The following FARS2 variants were observed in gnomAD, a reference collection of about 807,000 sequenced individuals.
FARS2 encodes phenylalanine--tRNA ligase, mitochondrial.
A neutral mutation model predicts 46.4 loss-of-function variants in FARS2; 40 were observed. The observed-to-expected ratio is 0.86, with a 90% CI of 0.67 to 1.12. FARS2 has a LOEUF of 1.12. Among genes scored for constraint, FARS2 ranks in the 50% most tolerant of loss-of-function variants. The pLI is 0.00. For missense variants in FARS2, 513 were observed against 567.9 expected (o/e 0.90, Z 0.98); for synonymous variants, 234 against 214.9 (o/e 1.09, Z -0.78).
At chr6:5,535,965 G>A (rs1228704045) in intron 4 of FARS2, among the ~76,000 whole-genome samples, 1 of 151,206 alleles carries the variant, frequency 6.6e-6, no homozygotes, top group Non-Finnish European at 1.5e-5. Context: ...TTACATCTAT[G>A]TTCATAAGAG....
chr6:5,741,703 T>C (rs145839823), intron 6 of FARS2, among the ~76,000 whole-genome samples: 92 of 152,316 alleles, frequency 6.0e-4, no homozygotes, highest in East Asian at 5.4e-3. Flanking sequence ...CAGGCTGGAG[T>C]GCAGTGGCAC....
chr6:5,323,966 C>T (rs1180447548), intron 1 of FARS2, among the ~76,000 whole-genome samples: 3 of 152,168 alleles, frequency 2.0e-5, no homozygotes, highest in Admixed American at 2.0e-4. Flanking sequence ...AGATGCCAGC[C>T]CCCAAGATAA....
chr6:5,658,691 A>G (rs914905094), intron 6 of FARS2, among the ~76,000 whole-genome samples: 6 of 152,336 alleles, frequency 3.9e-5, no homozygotes, highest in African/African-American at 1.2e-4. Flanking sequence ...CTAGAATTAG[A>G]TAGATGGTTA....
At chr6:5,510,669 C>T (rs550960540) in intron 4 of FARS2, among the ~76,000 whole-genome samples, 4 of 152,282 alleles carry the variant, frequency 2.6e-5, no homozygotes, top group East Asian at 3.9e-4. Flanking sequence ...GCGCTGGCCG[C>T]GTGAGAAGCG....
rs76178174 is a variant in FARS2, at chr6:5,483,939, A to G, written c.904+52767A>G. Among the ~76,000 whole-genome samples, 1,049 of 152,168 alleles carry G rather than the reference A, an allele frequency of 6.9e-3. 8 individuals carry two copies. The highest frequency in any genetic ancestry group is 0.024 in the African/African-American group (994 of 41,512). On this transcript the variant is annotated intron_variant, in intron 4 of 6. Coordinates refer to ENST00000274680, the MANE Select transcript of FARS2 (RefSeq NM_006567.5). ...CACCAACACCAGAATACTCCAGGGG[A>G]AAAAGGAGACTTGGAAGTTTGAAAT... is the stretch of plus-strand genomic sequence containing the variant.
intron 2 of FARS2, among the ~76,000 whole-genome samples, chr6:5,397,935 C>T (rs186981577): frequency 7.9e-5 from 12 of 152,194 alleles, no homozygotes; most frequent in Middle Eastern, 3.4e-3. Context: ...CTCAACTTGA[C>T]ATGATTTTGT....
At chr6:5,708,086 G>T (rs912113648) in intron 6 of FARS2, among the ~76,000 whole-genome samples, 1 of 152,102 alleles carries the variant, frequency 6.6e-6, no homozygotes, top group African/African-American at 2.4e-5. Context: ...GAAAACATGT[G>T]GGCCTCAAAG....
intron 2 of FARS2, among the ~76,000 whole-genome samples, chr6:5,398,931 T>C (rs1761062303): frequency 6.6e-6 from 1 of 152,072 alleles, no homozygotes; most frequent in Admixed American, 6.6e-5. Flanking sequence ...TGCTAACTAG[T>C]GTACAATATT....
At chr6:5,635,663 AC>A (rs1366718844) in intron 6 of FARS2, among the ~76,000 whole-genome samples, 2 of 152,138 alleles carry the variant, frequency 1.3e-5, no homozygotes, top group Non-Finnish European at 2.9e-5. Context: ...CGGAACACGC[AC>A]CCAGCCCCTC....
intron 6 of FARS2, among the ~76,000 whole-genome samples, chr6:5,755,793 C>G (rs1762172862): frequency 6.6e-6 from 1 of 152,202 alleles, no homozygotes; most frequent in African/African-American, 2.4e-5. Flanking sequence ...GCATTTTCTT[C>G]TGCCAGGTCT....
intron 4 of FARS2, among the ~76,000 whole-genome samples, chr6:5,507,735 T>G (rs9504419): frequency 0.054 from 8,235 of 152,300 alleles, 710 homozygotes; most frequent in African/African-American, 0.19. Flanking sequence ...TCCCGGCTAG[T>G]GGGTCAGACT....
At chr6:5,409,264 A>G (rs970705882) in intron 3 of FARS2, among the ~76,000 whole-genome samples, 1 of 152,080 alleles carries the variant, frequency 6.6e-6, no homozygotes, top group African/African-American at 2.4e-5. Flanking sequence ...CCTGTCTAAC[A>G]TGGTGAAACC....
chr6:5,514,039 A>T (rs1357622146), intron 4 of FARS2, among the ~76,000 whole-genome samples: 1 of 152,082 alleles, frequency 6.6e-6, no homozygotes, highest in African/African-American at 2.4e-5. Flanking sequence ...AGGAGAGTAT[A>T]CAATGCAGTA....
At chr6:5,499,872 T>A (rs984226606) in intron 4 of FARS2, among the ~76,000 whole-genome samples, 2 of 152,198 alleles carry the variant, frequency 1.3e-5, no homozygotes, top group African/African-American at 4.8e-5. Context: ...GGTACAGCAA[T>A]GGCCTACATT....
At position 5,342,688 on chromosome 6, in the gene FARS2, G is replaced by T. The variant is rs548589867; in HGVS notation, c.-21-25862G>T. ...AATTGCTTGAACCTGGGAGGCGGAG[G>T]TTGCAGTGAGCCGAGATCACGCCAT... is the stretch of plus-strand genomic sequence containing the variant. On this transcript the variant is annotated intron_variant, in intron 1 of 6. Coordinates refer to ENST00000274680, the MANE Select transcript of FARS2 (RefSeq NM_006567.5). Among the ~76,000 whole-genome samples, 3 of 151,846 alleles carry T rather than the reference G, an allele frequency of 2.0e-5. No individual in the cohort carries two copies. In the East Asian group the frequency reaches 5.8e-4, roughly 29 times the overall value.
At chr6:5,664,109 T>G (rs2150787803) in intron 6 of FARS2, among the ~76,000 whole-genome samples, 1 of 152,350 alleles carries the variant, frequency 6.6e-6, no homozygotes, top group South Asian at 2.1e-4. Context: ...CTTTGGGGTT[T>G]TAAAGAAAAA....
At chr6:5,538,642 C>G (rs1436227055) in intron 4 of FARS2, among the ~76,000 whole-genome samples, 1 of 152,170 alleles carries the variant, frequency 6.6e-6, no homozygotes, top group Non-Finnish European at 1.5e-5. Context: ...CCTGAAGCCT[C>G]CTACAGAAAA....
At chr6:5,682,194 C>T (rs1779068929) in intron 6 of FARS2, among the ~76,000 whole-genome samples, 1 of 152,058 alleles carries the variant, frequency 6.6e-6, no homozygotes, top group Admixed American at 6.5e-5. Flanking sequence ...AACTAGGTTG[C>T]AGCATCAAAA....
At chr6:5,259,204 A>G (rs888434160), upstream of FARS2, among the ~76,000 whole-genome samples, 2 of 152,220 alleles carry the variant, frequency 1.3e-5, no homozygotes, top group East Asian at 3.8e-4. Context: ...TATCCTGAGT[A>G]AGCTTTAATG....
Sources: gnomAD v4.1 joint callset for allele counts (sites outside exome capture counted in the v4.1 genomes callset) on GRCh38, gnomAD v4.1.1 for gene constraint, MANE v1.5 for transcripts, NCBI Gene and HGNC (gene_info 2026-07-23, HGNC 2026-07-21) for gene names.